The following LANCL3 variants were observed in gnomAD, a reference collection of about 807,000 sequenced individuals.
LANCL3 encodes the protein LanC like family member 3, also known as lanC-like protein 3.
LANCL3 carries 19 observed loss-of-function variants against 26.5 expected under a neutral mutation model. The observed-to-expected ratio is 0.72, with a 90% confidence interval of 0.50 to 1.05. The LOEUF is 1.05. Ranked by LOEUF, LANCL3 falls within the 50% of genes least tolerant of loss-of-function variation. LANCL3 has a pLI of 0.00. For missense variants in LANCL3, 318 were observed against 362.7 expected, an observed-to-expected ratio of 0.88 and a Z score of 1.00; for synonymous variants, 160 against 166.6, an observed-to-expected ratio of 0.96 and a Z score of 0.30.
chrX:37,668,616 T>G, intron 4 of LANCL3, among the ~76,000 whole-genome samples: 1 of 111,178 alleles, frequency 9.0e-6, no homozygotes, highest in East Asian at 2.8e-4. Flanking sequence ...AAGATATTGT[T>G]TTCCTTTGTG....
intron 1 of LANCL3, among the ~76,000 whole-genome samples, chrX:37,588,443 C>T (rs782557077): frequency 1.8e-5 from 2 of 111,575 alleles, no homozygotes; most frequent in South Asian, 3.8e-4. Context: ...TATACACACA[C>T]ACGCACACAG....
chrX:37,618,525 T>C (rs1556421943), intron 1 of LANCL3, among the ~76,000 whole-genome samples: 1 of 112,100 alleles, frequency 8.9e-6, no homozygotes, highest in Non-Finnish European at 1.9e-5. Context: ...GATCAAAGTG[T>C]TGGCAGGGTT....
chrX:37,670,405 A>T (rs1463235086), intron 4 of LANCL3, among the ~76,000 whole-genome samples: 1 of 111,195 alleles, frequency 9.0e-6, no homozygotes, highest in Non-Finnish European at 1.9e-5. Context: ...GCTTAAAAAG[A>T]CCCTTCCCAC....
chrX:37,667,418 C>T lies in LANCL3; in HGVS notation c.1032C>T (p.Ala344=), dbSNP rs782784236. 2.5e-6 allele frequency: 3 copies of T among 1,201,381 alleles called. No homozygotes were observed. Among genetic ancestry groups the T allele is most frequent in the South Asian group, 3.6e-5 (2 of 55,456 alleles). Residue 344 remains alanine, a synonymous_variant, in exon 4 of 5, where the codon GCC becomes GCT. Coordinates refer to ENST00000378619, the MANE Select transcript of LANCL3 (RefSeq NM_001170331.2). ...GGCCTGGGATTTGCCATGGAGTAGC[C>T]GGCAGTGCCTATGTCTTCCTGCTGC... ...KKGPGICHGV[A]GSAYVFLLLY...
intron 1 of LANCL3, among the ~76,000 whole-genome samples, chrX:37,585,435 G>C (rs1177484954): frequency 2.1e-4 from 23 of 111,459 alleles, no homozygotes; most frequent in African/African-American, 6.9e-4. Flanking sequence ...GAGTCTAAGT[G>C]TCTTTCTAGG....
rs1926933857 is a variant in LANCL3, at chrX:37,681,445, TCTTCCTACCTTC to T, written c.*5637_*5648del. ...TTCCTGTTTCCTAGTATTGATAAAG[TCTTCCTACCTTC>T]CTTCGTTGTTATGGGAGAAAATGTA... On this transcript the variant is annotated 3_prime_UTR_variant, in exon 5 of 5. Coordinates refer to ENST00000378619, the MANE Select transcript of LANCL3 (RefSeq NM_001170331.2). The T allele has an allele frequency of 8.9e-6, 1 of 111,863 alleles. No individual in the cohort carries two copies. The highest frequency in any genetic ancestry group is 9.5e-5 in the Admixed American group (1 of 10,557). The allele number at this position is 111,863 out of a possible 1,213,427, so 9.2% of individuals were successfully genotyped here.
At chrX:37,620,339 A>G (rs1262672632) in intron 1 of LANCL3, among the ~76,000 whole-genome samples, 1 of 112,319 alleles carries the variant, frequency 8.9e-6, no homozygotes, top group African/African-American at 3.2e-5. Context: ...AAGGCAAAAG[A>G]GTAAGTAACT....
chrX:37,655,794 A>G lies in LANCL3; in HGVS notation c.680A>G (p.Tyr227Cys), dbSNP rs782120561. The change falls in exon 2 of 5, where the codon TAT becomes TGT. Residue 227 changes from tyrosine to cysteine, a missense_variant. Coordinates refer to ENST00000378619, the MANE Select transcript of LANCL3 (RefSeq NM_001170331.2). The stretch of plus-strand genomic sequence containing the variant: ...CCATTCCCCCTGATGTATTCTTACT[A>G]TGGAACCGAATACTTGGGTAAGTGA... ...RKPFPLMYSY[Y>C]GTEYLGAAHG... 1.2e-5 allele frequency: 15 copies of G among 1,203,976 alleles called. No homozygotes were observed. The highest frequency in any genetic ancestry group is 1.7e-5 in the Non-Finnish European group (15 of 891,138).
At chrX:37,652,027 A>AT (rs34591782) in intron 1 of LANCL3, among the ~76,000 whole-genome samples, 3,888 of 81,116 alleles carry the variant, frequency 0.048, 79 homozygotes, top group African/African-American at 0.069. Context: ...TGACAGCTTC[A>AT]TTTTTTTTTT....
At chrX:37,645,287 C>A (rs1184820633) in intron 1 of LANCL3, among the ~76,000 whole-genome samples, 1 of 112,223 alleles carries the variant, frequency 8.9e-6, no homozygotes, top group Non-Finnish European at 1.9e-5. Context: ...AACTGAAATT[C>A]CATGCTGAAT....
At chrX:37,630,587 T>G (rs1390359145) in intron 1 of LANCL3, among the ~76,000 whole-genome samples, 109 of 109,413 alleles carry the variant, frequency 1.0e-3, no homozygotes, top group Non-Finnish European at 1.9e-3. Flanking sequence ...GGCTGTGTGT[T>G]TGTCATAGAT....
chrX:37,647,871 C>T (rs1044242630), intron 1 of LANCL3, among the ~76,000 whole-genome samples: 5 of 112,817 alleles, frequency 4.4e-5, no homozygotes, highest in South Asian at 3.6e-4. Flanking sequence ...CTTCCAAAAA[C>T]GTGTTTGGGG....
At chrX:37,621,302 A>G (rs1925152664) in intron 1 of LANCL3, among the ~76,000 whole-genome samples, 1 of 112,251 alleles carries the variant, frequency 8.9e-6, no homozygotes, top group Admixed American at 9.5e-5. Flanking sequence ...AGATTGACAC[A>G]GCACTGGCAG....
Position 37,655,806 on chromosome X carries a change from A to G in LANCL3, c.692A>G (p.Tyr231Cys), listed in dbSNP as rs1926270643. Residue 231 changes from tyrosine (Y) to cysteine (C), a missense_variant, in exon 2 of 5, where the codon TAC becomes TGC. Coordinates refer to ENST00000378619, the MANE Select transcript of LANCL3 (RefSeq NM_001170331.2). The stretch of plus-strand genomic sequence containing the variant: ...ATGTATTCTTACTATGGAACCGAAT[A>G]CTTGGGTAAGTGAAGGTGTTTGCAT... ...PLMYSYYGTE[Y>C]LGAAHGLSSI... 2.5e-6 allele frequency: 3 copies of G among 1,204,922 alleles called. No individual in the cohort carries two copies. The highest frequency in any genetic ancestry group is 3.4e-6 in the Non-Finnish European group (3 of 892,078).
chrX:37,605,215 G>A (rs1223905578), intron 1 of LANCL3, among the ~76,000 whole-genome samples: 4 of 111,851 alleles, frequency 3.6e-5, no homozygotes, highest in African/African-American at 1.3e-4. Context: ...AGGCCACAGT[G>A]GATGTGGTAT....
intron 1 of LANCL3, among the ~76,000 whole-genome samples, chrX:37,574,127 A>T (rs58273670): frequency 5.4e-4 from 58 of 107,426 alleles, no homozygotes; most frequent in African/African-American, 1.9e-3. Flanking sequence ...TGAGCAAACC[A>T]GTTAGTTCCA....
intron 1 of LANCL3, among the ~76,000 whole-genome samples, chrX:37,647,039 G>T (rs1381960077): frequency 3.6e-5 from 4 of 112,224 alleles, no homozygotes; most frequent in Non-Finnish European, 7.5e-5. Context: ...AGGAGGCTGG[G>T]TGTGGTGGCT....
At chrX:37,580,297 A>T (rs1260099077) in intron 1 of LANCL3, among the ~76,000 whole-genome samples, 1 of 112,120 alleles carries the variant, frequency 8.9e-6, no homozygotes. Flanking sequence ...AAATGCAGTG[A>T]TGTAATAAGG....
intron 1 of LANCL3, among the ~76,000 whole-genome samples, chrX:37,652,000 G>A (rs1257665794): frequency 9.3e-6 from 1 of 107,656 alleles, no homozygotes; most frequent in Non-Finnish European, 1.9e-5. Flanking sequence ...CCTGTCTTCA[G>A]CAGCAGCTGG....
Sources: gnomAD v4.1 joint callset for allele counts (sites outside exome capture counted in the v4.1 genomes callset) on GRCh38, gnomAD v4.1.1 for gene constraint, MANE v1.5 for transcripts, NCBI Gene and HGNC (gene_info 2026-07-23, HGNC 2026-07-21) for gene names.